SEL1L2: variants seen among roughly 807,000 people sequenced by gnomAD.
SEL1L2 encodes SEL1L2 adaptor subunit of SYVN1 ubiquitin ligase.
Under a neutral mutation model 98.8 loss-of-function variants are expected in SEL1L2, and 89 were observed. That is an observed-to-expected ratio of 0.90 (90% CI 0.76 to 1.07). The LOEUF is 1.07. Among genes scored for constraint, SEL1L2 ranks in the 50% least tolerant of loss-of-function variants. SEL1L2 has a pLI of 0.00. For missense variants in SEL1L2, 788 were observed against 812.0 expected, an observed-to-expected ratio of 0.97 and a Z score of 0.36; for synonymous variants, 262 against 278.5, an observed-to-expected ratio of 0.94 and a Z score of 0.59.
intron 10 of SEL1L2, among the ~76,000 whole-genome samples, chr20:13,881,401 T>C (rs2046695441): frequency 6.6e-6 from 1 of 152,244 alleles, no homozygotes; most frequent in African/African-American, 2.4e-5. Context: ...GGTGGTAGGA[T>C]AGACAAAGCA....
intron 8 of SEL1L2, among the ~76,000 whole-genome samples, chr20:13,886,839 G>T (rs1026076497): frequency 6.6e-6 from 1 of 151,598 alleles, no homozygotes; most frequent in Non-Finnish European, 1.5e-5. Context: ...AGTGAGCCGA[G>T]ATTGAGCCAC....
chr20:13,873,530 T>G (rs2046298366), intron 12 of SEL1L2, among the ~76,000 whole-genome samples: 1 of 151,832 alleles, frequency 6.6e-6, no homozygotes, highest in Non-Finnish European at 1.5e-5. Flanking sequence ...CCCAGCTAAT[T>G]TTTGTATTTT....
chr20:13,945,169 T>C (rs2049953076), intron 2 of SEL1L2, among the ~76,000 whole-genome samples: 1 of 152,196 alleles, frequency 6.6e-6, no homozygotes, highest in Admixed American at 6.5e-5. Flanking sequence ...CACCCTGCAA[T>C]GTTAGCTGCA....
intron 5 of SEL1L2, among the ~76,000 whole-genome samples, chr20:13,888,804 A>AT (rs36004055): frequency 0.71 from 96,102 of 134,880 alleles, 34,106 homozygotes; most frequent in East Asian, 0.88. Flanking sequence ...ACGCCCCGCT[A>AT]TTTTTTTTTT....
intron 5 of SEL1L2, among the ~76,000 whole-genome samples, chr20:13,909,712 G>C (rs2048131934): frequency 6.6e-6 from 1 of 152,030 alleles, no homozygotes; most frequent in African/African-American, 2.4e-5. Flanking sequence ...GGGTGTGGTG[G>C]CTCAGCACTT....
intron 10 of SEL1L2, among the ~76,000 whole-genome samples, chr20:13,881,170 T>C (rs1359038946): frequency 1.3e-5 from 2 of 152,128 alleles, no homozygotes; most frequent in Admixed American, 6.5e-5. Flanking sequence ...TGCACCACCA[T>C]GCCCAGCTAA....
chr20:13,980,739 T>C (rs2051774367), intron 1 of SEL1L2, among the ~76,000 whole-genome samples: 1 of 152,162 alleles, frequency 6.6e-6, no homozygotes, highest in Non-Finnish European at 1.5e-5. Context: ...ACAACCTAAG[T>C]GTCCATCAAT....
intron 3 of SEL1L2, among the ~76,000 whole-genome samples, chr20:13,924,965 C>T (rs1196236997): frequency 6.6e-6 from 1 of 152,000 alleles, no homozygotes; most frequent in Admixed American, 6.6e-5. Flanking sequence ...ATGGTGAGAT[C>T]CTGTCTCTAC....
At chr20:13,887,709 T>C (rs2047021746) in intron 8 of SEL1L2, 60 bp downstream of exon 8, 3 of 1,089,610 alleles carry the variant, frequency 2.8e-6, no homozygotes, top group Non-Finnish European at 4.2e-6. Context: ...CTGTTATTGA[T>C]TTATTTTTCT....
intron 3 of SEL1L2, 42 bp downstream of exon 3, chr20:13,931,561 G>T (rs373238510): frequency 2.6e-6 from 3 of 1,157,808 alleles, no homozygotes; most frequent in East Asian, 5.4e-5. Flanking sequence ...TATATTGCAT[G>T]TAGTCATTTT....
intron 1 of SEL1L2, among the ~76,000 whole-genome samples, chr20:13,965,596 C>T (rs904271068): frequency 9.2e-5 from 14 of 152,196 alleles, no homozygotes; most frequent in Admixed American, 5.2e-4. Flanking sequence ...ATCTAATTTC[C>T]GTCTACCCTT....
At chr20:13,953,300 A>G (rs2050360085) in intron 2 of SEL1L2, among the ~76,000 whole-genome samples, 2 of 151,694 alleles carry the variant, frequency 1.3e-5, no homozygotes, top group South Asian at 4.2e-4. Flanking sequence ...GTCTCTTCTC[A>G]CCTTCAGGCT....
rs7261915 is a variant in SEL1L2, at chr20:13,952,141, G to A, written c.114+3935C>T. Among the ~76,000 whole-genome samples, 1,213 of 152,286 alleles carry A rather than the reference G, an allele frequency of 8.0e-3. 19 individuals carry two copies. Among genetic ancestry groups the A allele is most frequent in the African/African-American group, 0.027 (1,124 of 41,550 alleles). ...CATGCTTTTCTCTCCCTTGTTGGAG[G>A]AGGATTCAATTCCACACCTTCACCT... is the stretch of plus-strand genomic sequence containing the variant. On this transcript the variant is annotated intron_variant, in intron 2 of 19. Coordinates refer to ENST00000284951, the MANE Select transcript of SEL1L2 (RefSeq NM_025229.2).
intron 2 of SEL1L2, among the ~76,000 whole-genome samples, chr20:13,933,095 C>T (rs1343194355): frequency 8.6e-5 from 13 of 151,796 alleles, no homozygotes; most frequent in South Asian, 6.2e-4. Flanking sequence ...CTGTAATCCC[C>T]GCTACTTGGG....
At chr20:13,945,089 A>G (rs943968470) in intron 2 of SEL1L2, among the ~76,000 whole-genome samples, 3 of 152,214 alleles carry the variant, frequency 2.0e-5, no homozygotes, top group Admixed American at 6.5e-5. Context: ...TTAAGGTTTT[A>G]CCAATAAATG....
At chr20:13,974,789 C>G (rs573168582) in intron 1 of SEL1L2, among the ~76,000 whole-genome samples, 4 of 152,000 alleles carry the variant, frequency 2.6e-5, no homozygotes, top group Admixed American at 2.0e-4. Flanking sequence ...TTTCCCTGAA[C>G]CTACTTGTAC....
At position 13,886,292 on chromosome 20, in the gene SEL1L2, A is replaced by G. The variant is rs2046951275; in HGVS notation, c.896T>C (p.Ile299Thr). The G allele has an allele frequency of 6.2e-7, 1 of 1,606,144 alleles. No homozygotes were observed. Among genetic ancestry groups the G allele is most frequent in the Middle Eastern group, 1.7e-4 (1 of 6,036 alleles). Residue 299 changes from isoleucine to threonine, a missense_variant, in exon 9 of 20, where the codon ATA becomes ACA. By Grantham distance (89) the Ile-to-Thr change is moderately conservative. Transcript: ENST00000284951. ...KFLAERGDVQ[I>T]QVSLGQLHLI... ...AATCTCATCTGTATACATTACTTGT[A>G]TCTGAACATCTCCTCTTTCTGCCAA...
At chr20:13,952,328 G>A (rs1234491914) in intron 2 of SEL1L2, among the ~76,000 whole-genome samples, 1 of 152,218 alleles carries the variant, frequency 6.6e-6, no homozygotes, top group African/African-American at 2.4e-5. Context: ...CAGGTAAGCA[G>A]GGCTAATTCC....
intron 1 of SEL1L2, among the ~76,000 whole-genome samples, chr20:13,956,955 C>A (rs188443825): frequency 6.6e-6 from 1 of 152,198 alleles, no homozygotes; most frequent in East Asian, 1.9e-4. Context: ...GTGATACATT[C>A]ACATTTCACA....
Sources: gnomAD v4.1 joint callset for allele counts (sites outside exome capture counted in the v4.1 genomes callset) on GRCh38, gnomAD v4.1.1 for gene constraint, MANE v1.5 for transcripts, NCBI Gene and HGNC (gene_info 2026-07-23, HGNC 2026-07-21) for gene names.